Variants in SEPTIN7 observed in about 807,000 individuals in gnomAD.
SEPTIN7 encodes the protein septin-7.
In SEPTIN7, 10 loss-of-function variants were observed where a neutral mutation model predicts 63.3. The ratio of observed to expected loss-of-function variants is 0.16; its 90% CI spans 0.10 to 0.27. The LOEUF (loss-of-function observed/expected upper bound fraction) is 0.27. Ranked by LOEUF, SEPTIN7 falls within the 10% of genes least tolerant of loss-of-function variation. The pLI, the probability that SEPTIN7 is intolerant of heterozygous loss-of-function variation, is 1.00. For missense variants in SEPTIN7, 310 were observed against 521.0 expected (o/e 0.59, Z 3.94); for synonymous variants, 131 against 165.3 (o/e 0.79, Z 1.59).
chr7:35,853,638 G>A (rs1785064822), intron 3 of SEPTIN7, among the ~76,000 whole-genome samples: 1 of 152,210 alleles, frequency 6.6e-6, no homozygotes, highest in Admixed American at 6.5e-5. Flanking sequence ...AGAATCTTAT[G>A]TAGAGTTTTG....
intron 1 of SEPTIN7, among the ~76,000 whole-genome samples, chr7:35,830,961 A>G (rs1166753580): frequency 1.3e-5 from 2 of 152,160 alleles, no homozygotes; most frequent in African/African-American, 2.4e-5. Context: ...ACAGCATTGT[A>G]TAAAAAGGTT....
chr7:35,884,293 G>T (rs1787088007), intron 9 of SEPTIN7, among the ~76,000 whole-genome samples: 1 of 152,134 alleles, frequency 6.6e-6, no homozygotes, highest in Non-Finnish European at 1.5e-5. Flanking sequence ...GCACTGACAT[G>T]CTGCTCAAAG....
At chr7:35,859,396 TAA>T (rs1158286496) in intron 3 of SEPTIN7, among the ~76,000 whole-genome samples, 9 of 152,236 alleles carry the variant, frequency 5.9e-5, no homozygotes, top group Non-Finnish European at 1.0e-4. Context: ...TAAAATTTAT[TAA>T]GACTTGTTTC....
chr7:35,823,542 C>T (rs1783343135), intron 1 of SEPTIN7, among the ~76,000 whole-genome samples: 2 of 152,142 alleles, frequency 1.3e-5, no homozygotes, highest in African/African-American at 4.8e-5. Context: ...GCCTTCCATC[C>T]TTGATCCTCT....
At chr7:35,838,446 T>G (rs1355462599) in intron 3 of SEPTIN7, 1 of 146,618 alleles carries the variant, frequency 6.8e-6, no homozygotes, top group Non-Finnish European at 1.5e-5. Flanking sequence ...CTTGGCTCAC[T>G]GCAGTCTCTG....
In SEPTIN7 at chr7:35,900,975, G is replaced by A. The variant is rs544225501; in HGVS notation, c.1135-2101G>A. The A allele has an allele frequency of 7.2e-5, 11 of 152,234 alleles. No individual in the cohort carries two copies. The East Asian group carries it at 1.5e-3, about 21-fold the overall frequency. 9.4% of individuals were successfully genotyped at this position (152,234 alleles called of 1,614,324 possible). A position where few individuals can be genotyped will look rare whatever the true frequency, so the allele number is the denominator to read the frequency against. On this transcript the variant is annotated intron_variant, in intron 12 of 13. Transcript: ENST00000350320. The stretch of plus-strand genomic sequence containing the variant: ...TTTACCAACATCCCTGTGATAATGA[G>A]TTTGCAAATCATCATGTATATGATA...
chr7:35,884,154 TG>T (rs1477831034), intron 9 of SEPTIN7, among the ~76,000 whole-genome samples, 167 bp downstream of exon 9: 1 of 152,168 alleles, frequency 6.6e-6, no homozygotes, highest in Non-Finnish European at 1.5e-5. Flanking sequence ...TTAAGTACAT[TG>T]GTATTTTTCA....
chr7:35,899,945 T>C (rs1470376642), intron 12 of SEPTIN7: 1 of 152,196 alleles, frequency 6.6e-6, no homozygotes, highest in African/African-American at 2.4e-5. Context: ...AAACAATCTT[T>C]AATGATAAAA....
At chr7:35,850,074 G>A (rs1784887507) in intron 3 of SEPTIN7, among the ~76,000 whole-genome samples, 1 of 152,002 alleles carries the variant, frequency 6.6e-6, no homozygotes, top group Admixed American at 6.6e-5. Flanking sequence ...AAATCATTTG[G>A]GAAGCTTCTT....
rs1188023759 is a variant in SEPTIN7, at chr7:35,885,813, G to A, written c.821-15G>A. 1.9e-6 allele frequency: 3 copies of A among 1,593,412 alleles called. No individual in the cohort carries two copies. The highest frequency in any genetic ancestry group is 2.6e-6 in the Non-Finnish European group (3 of 1,164,326). ...AGTGGAAATATAACATATGCGGTCT[G>A]CTTTTTTCTTACAGTTGAAAATGGT... is the stretch of plus-strand genomic sequence containing the variant. On this transcript the variant is annotated splice_polypyrimidine_tract_variant and intron_variant, in intron 9 of 13. Transcript: ENST00000350320.
chr7:35,911,871 A>G (rs2116427560), downstream of SEPTIN7, among the ~76,000 whole-genome samples: 1 of 152,294 alleles, frequency 6.6e-6, no homozygotes, highest in African/African-American at 2.4e-5. Context: ...CATCCCAGAC[A>G]CACCCGACCT....
intron 9 of SEPTIN7, among the ~76,000 whole-genome samples, chr7:35,885,076 T>G (rs1243139225): frequency 6.6e-6 from 1 of 152,114 alleles, no homozygotes; most frequent in African/African-American, 2.4e-5. Flanking sequence ...CTCAGAATCC[T>G]GAGCTCAAAG....
chr7:35,818,109 T>C (rs749694962), intron 1 of SEPTIN7, among the ~76,000 whole-genome samples: 2 of 152,054 alleles, frequency 1.3e-5, no homozygotes, highest in Admixed American at 1.3e-4. Context: ...TTCATCATTG[T>C]GGGTTTTCTG....
At chr7:35,880,223 C>CTTTTTTTTT in intron 7 of SEPTIN7, among the ~76,000 whole-genome samples, 4 of 72,774 alleles carry the variant, frequency 5.5e-5, no homozygotes, top group East Asian at 4.0e-4. Flanking sequence ...TTTTTCTTTT[C>CTTTTTTTTT]TTTTTTTTTT....
chr7:35,814,955 A>G (rs958454015), intron 1 of SEPTIN7, among the ~76,000 whole-genome samples: 15 of 142,818 alleles, frequency 1.1e-4, no homozygotes, highest in African/African-American at 4.0e-4. Flanking sequence ...AGCCTAGGCG[A>G]CAGAGCGAGA....
At chr7:35,888,365 C>A (rs1156740963) in intron 10 of SEPTIN7, among the ~76,000 whole-genome samples, 1 of 152,130 alleles carries the variant, frequency 6.6e-6, no homozygotes, top group Non-Finnish European at 1.5e-5. Flanking sequence ...AAAAATTATT[C>A]ATTATCTAAA....
chr7:35,872,135 G>GTAA (rs1232921158), intron 4 of SEPTIN7, among the ~76,000 whole-genome samples: 1 of 152,156 alleles, frequency 6.6e-6, no homozygotes, highest in African/African-American at 2.4e-5. Flanking sequence ...AAATACAAGG[G>GTAA]TAATACATCC....
intron 11 of SEPTIN7, 148 bp downstream of exon 11, chr7:35,890,941 C>G (rs1787601553): frequency 3.1e-6 from 2 of 640,492 alleles, no homozygotes; most frequent in Non-Finnish European, 4.5e-6. Flanking sequence ...TATTGTTATG[C>G]TTTGTTAATA....
intron 4 of SEPTIN7, among the ~76,000 whole-genome samples, chr7:35,865,578 T>A (rs1459863528): frequency 6.6e-6 from 1 of 152,194 alleles, no homozygotes; most frequent in Non-Finnish European, 1.5e-5. Flanking sequence ...AGGAACATTC[T>A]TGTGTATGTC....
Sources: gnomAD v4.1 joint callset for allele counts (sites outside exome capture counted in the v4.1 genomes callset) on GRCh38, gnomAD v4.1.1 for gene constraint, MANE v1.5 for transcripts, NCBI Gene and HGNC (gene_info 2026-07-23, HGNC 2026-07-21) for gene names.